Variants in MYRFL observed in about 807,000 individuals in gnomAD.
MYRFL encodes myelin regulatory factor-like protein.
Under a neutral mutation model 109.4 loss-of-function variants are expected in MYRFL, and 88 were observed. That is an observed-to-expected ratio of 0.80 (90% CI 0.68 to 0.96). The LOEUF (loss-of-function observed/expected upper bound fraction) is 0.96. Ranked by LOEUF, MYRFL falls within the 40% of genes least tolerant of loss-of-function variation. The pLI, the probability that MYRFL is intolerant of heterozygous loss-of-function variation, is 0.00. For missense variants in MYRFL, 957 were observed against 954.9 expected (o/e 1.00, Z -0.03); for synonymous variants, 324 against 320.9 (o/e 1.01, Z -0.10).
At chr12:69,844,395 G>A (rs1592690878) in intron 1 of MYRFL, among the ~76,000 whole-genome samples, 2 of 152,140 alleles carry the variant, frequency 1.3e-5, no homozygotes, top group Non-Finnish European at 1.5e-5. Flanking sequence ...ATTGTGTGGC[G>A]GGTGTGGAGG....
chr12:69,952,748 T>A, intron 20 of MYRFL, 51 bp from the exon 21 acceptor site: 1 of 1,316,638 alleles, frequency 7.6e-7, no homozygotes, highest in Non-Finnish European at 1.0e-6. Flanking sequence ...TACAATATTC[T>A]TTTTCCTTTC....
Position 69,936,583 on chromosome 12 carries a change from T to A in MYRFL, c.2175T>A (p.Pro725=), listed in dbSNP as rs944648326. Residue 725 remains proline, a synonymous_variant, in exon 19 of 25, where the codon CCT becomes CCA. Coordinates refer to ENST00000552032, the MANE Select transcript of MYRFL (RefSeq NM_182530.3). ...IRGMKEVSSS[P]VQRQSEEKEF... is the part of the protein sequence containing the mutation. ...GAATGAAAGAAGTCTCTTCAAGTCCTGTGCAAAGACAATCTGAGGAGAAGG... is the reference window on the plus strand; with the variant it reads ...GAATGAAAGAAGTCTCTTCAAGTCCAGTGCAAAGACAATCTGAGGAGAAGG... 28 of 1,535,902 alleles carry A rather than the reference T, an allele frequency of 1.8e-5. No individual in the cohort carries two copies. Among genetic ancestry groups the A allele is most frequent in the Non-Finnish European group, 2.4e-5 (27 of 1,146,736 alleles).
Position 69,954,453 on chromosome 12 carries a change from C to G in MYRFL, c.2376-910C>G, listed in dbSNP as rs188288240. Among the ~76,000 whole-genome samples the G allele has an allele frequency of 1.9e-3, 293 of 152,170 alleles. 1 individual carries two copies. The highest frequency in any genetic ancestry group is 6.9e-3 in the African/African-American group (285 of 41,526). Reference sequence around the variant, plus strand: ...CTCAATTTGGTGTGCAAGTTGCACTCTTATTTTTTTCAGCTGTATTGAGGT... The same window carrying G: ...CTCAATTTGGTGTGCAAGTTGCACTGTTATTTTTTTCAGCTGTATTGAGGT... On this transcript the variant is annotated intron_variant, in intron 21 of 24. Coordinates refer to ENST00000552032, the MANE Select transcript of MYRFL (RefSeq NM_182530.3).
In MYRFL at chr12:69,868,196, T is replaced by C. The variant is rs190797531; in HGVS notation, c.138-10832T>C. ...ATCTTGGCTCACTGCAGCCTCCACC[T>C]GCCAGGTTCAAGCAATTCTCCTGCC... On this transcript the variant is annotated intron_variant, in intron 2 of 24. Coordinates refer to ENST00000552032, the MANE Select transcript of MYRFL (RefSeq NM_182530.3). 2.0e-5 allele frequency among the ~76,000 whole-genome samples: 3 copies of C among 150,524 alleles called. No homozygotes were observed. The East Asian group carries it at 6.0e-4, about 30-fold the overall frequency.
At chr12:69,847,618 G>A (rs1883635153) in intron 1 of MYRFL, among the ~76,000 whole-genome samples, 1 of 151,828 alleles carries the variant, frequency 6.6e-6, no homozygotes, top group African/African-American at 2.4e-5. Context: ...GCTGGCTCTG[G>A]AGTCCTAGAA....
intron 7 of MYRFL, among the ~76,000 whole-genome samples, chr12:69,891,619 CTTTCCTCCTTCCTTTCTT>C (rs1886843110): frequency 5.4e-5 from 6 of 110,920 alleles, no homozygotes; most frequent in African/African-American, 2.2e-4. Flanking sequence ...TTCTTTCTTT[CTTTCCTCCTTCCTTTCTT>C]TTTCTTTCTT....
intron 5 of MYRFL, among the ~76,000 whole-genome samples, chr12:69,885,794 A>G (rs1886411652): frequency 6.6e-6 from 1 of 152,152 alleles, no homozygotes. Flanking sequence ...TACAGTTGAT[A>G]TTGCACACTA....
chr12:69,843,224 T>C (rs760587336), intron 1 of MYRFL, among the ~76,000 whole-genome samples: 2 of 152,244 alleles, frequency 1.3e-5, no homozygotes, highest in Non-Finnish European at 2.9e-5. Flanking sequence ...CTCCGAAATA[T>C]CTATTAACAT....
chr12:69,879,638 C>T (rs771507236), intron 4 of MYRFL, among the ~76,000 whole-genome samples, 185 bp downstream of exon 4: 1 of 152,180 alleles, frequency 6.6e-6, no homozygotes, highest in Non-Finnish European at 1.5e-5. Context: ...ATTAAAAACC[C>T]TCCAAATCCA....
At chr12:69,869,460 A>G (rs573345817) in intron 2 of MYRFL, among the ~76,000 whole-genome samples, 1 of 152,342 alleles carries the variant, frequency 6.6e-6, no homozygotes, top group South Asian at 2.1e-4. Context: ...ATGAAGACAA[A>G]TAAGAGTAAG....
chr12:69,925,342 G>A (rs911221627), intron 13 of MYRFL, among the ~76,000 whole-genome samples: 1 of 152,148 alleles, frequency 6.6e-6, no homozygotes, highest in Non-Finnish European at 1.5e-5. Flanking sequence ...CGTACACTAA[G>A]CCTTGAATCT....
At chr12:69,895,284 T>G in intron 8 of MYRFL, 87 bp from the exon 9 acceptor site, 152 of 975,462 alleles carry the variant, frequency 1.6e-4, no homozygotes, top group East Asian at 3.7e-4. Flanking sequence ...CAAGCATAGA[T>G]GAGAGTCTGA....
chr12:69,830,184 A>C (rs1168419189), intron 1 of MYRFL, among the ~76,000 whole-genome samples: 1 of 151,980 alleles, frequency 6.6e-6, no homozygotes, highest in African/African-American at 2.4e-5. Context: ...TCCTCCAGGA[A>C]TAGGTCTGGT....
In MYRFL at chr12:69,936,109, A is replaced by AATTT; in HGVS notation, c.1917-4_1917-3insATTT. The stretch of plus-strand genomic sequence containing the variant: ...TTTTTTTTTTTTTTTTTTTTTTTTG[A>AATTT]CAGTGCTTTGACGATAGTTGCCCTC... On this transcript the variant is annotated splice_region_variant and splice_polypyrimidine_tract_variant and intron_variant, in intron 16 of 24. Coordinates refer to ENST00000552032, the MANE Select transcript of MYRFL (RefSeq NM_182530.3). The AATTT allele has an allele frequency of 1.8e-6, 1 of 541,674 alleles. No homozygotes were observed. Among genetic ancestry groups the AATTT allele is most frequent in the Non-Finnish European group, 2.4e-6 (1 of 420,008 alleles). The allele number at this position is 541,674 out of a possible 1,614,324, so 33.6% of individuals were successfully genotyped here. A position where few individuals can be genotyped will look rare whatever the true frequency, so the allele number is the denominator to read the frequency against.
chr12:69,855,982 A>G (rs1489190851), intron 2 of MYRFL, among the ~76,000 whole-genome samples: 1 of 152,078 alleles, frequency 6.6e-6, no homozygotes, highest in Non-Finnish European at 1.5e-5. Flanking sequence ...AAATTTTTGT[A>G]TAAATTTCTG....
At chr12:69,957,178 C>T (rs1219037389) in intron 22 of MYRFL, among the ~76,000 whole-genome samples, 2 of 152,200 alleles carry the variant, frequency 1.3e-5, no homozygotes, top group South Asian at 2.1e-4. Flanking sequence ...TTCTGGCAGA[C>T]TTTCAACTCT....
chr12:69,922,490 G>A (rs1954944570), intron 13 of MYRFL, among the ~76,000 whole-genome samples: 1 of 152,024 alleles, frequency 6.6e-6, no homozygotes. Flanking sequence ...AGAGAGAATA[G>A]TAATGAAACC....
chr12:69,899,831 G>A (rs553132587), intron 10 of MYRFL, among the ~76,000 whole-genome samples: 7 of 152,086 alleles, frequency 4.6e-5, no homozygotes, highest in Non-Finnish European at 1.0e-4. Flanking sequence ...GTATATTATG[G>A]TCCTGTAGTA....
chr12:69,881,346 T>C (rs904849901), intron 5 of MYRFL, among the ~76,000 whole-genome samples: 1 of 152,188 alleles, frequency 6.6e-6, no homozygotes, highest in Non-Finnish European at 1.5e-5. Context: ...AAGTCCCATT[T>C]CTTCTATCCC....
Sources: allele counts gnomAD v4.1 joint callset (sites outside exome capture counted in the v4.1 genomes callset), GRCh38; gene constraint gnomAD v4.1.1; transcripts MANE v1.5; gene names NCBI Gene and HGNC (gene_info 2026-07-23, HGNC 2026-07-21).